Variants in DOCK8 observed in about 807,000 individuals in gnomAD.
The protein encoded by DOCK8 is dedicator of cytokinesis 8.
In DOCK8, 141 loss-of-function variants were observed where a neutral mutation model predicts 245.6. That is an observed-to-expected ratio of 0.57 (90% CI 0.50 to 0.66). DOCK8 has a LOEUF of 0.66. Ranked by LOEUF, DOCK8 falls within the 30% of genes least tolerant of loss-of-function variation. The probability of loss-of-function intolerance (pLI) is 0.00; values close to 1 mark genes in which losing one functional copy is unlikely to be tolerated. For missense variants in DOCK8, 2,965 were observed against 2,603.4 expected, an observed-to-expected ratio of 1.14 and a Z score of -3.02; for synonymous variants, 1,168 against 970.2, an observed-to-expected ratio of 1.20 and a Z score of -3.79.
At chr9:458,153 G>A (rs1404945316) in intron 46 of DOCK8, 1 of 152,208 alleles carries the variant, frequency 6.6e-6, no homozygotes, top group Non-Finnish European at 1.5e-5. Flanking sequence ...GTAGAGCTGT[G>A]TAGTGGCCTC....
chr9:341,890 G>C (rs1253301644), intron 14 of DOCK8, among the ~76,000 whole-genome samples: 1 of 152,146 alleles, frequency 6.6e-6, no homozygotes, highest in Non-Finnish European at 1.5e-5. Context: ...TCTCATGGGA[G>C]CATGAATCCT....
chr9:247,946 T>A (rs1223947318), intron 1 of DOCK8, among the ~76,000 whole-genome samples: 2 of 151,134 alleles, frequency 1.3e-5, no homozygotes, highest in East Asian at 3.9e-4. Flanking sequence ...CCAATGTATA[T>A]TGTATTAAAA....
chr9:230,022 T>G (rs1318487334), intron 1 of DOCK8, among the ~76,000 whole-genome samples: 1 of 151,658 alleles, frequency 6.6e-6, no homozygotes, highest in African/African-American at 2.4e-5. Context: ...TCATTTAGCA[T>G]TAGGTATATC....
At chr9:425,403 G>A (rs1325331104) in intron 33 of DOCK8, among the ~76,000 whole-genome samples, 1 of 151,978 alleles carries the variant, frequency 6.6e-6, no homozygotes, top group African/African-American at 2.4e-5. Flanking sequence ...GCGGTGGCGG[G>A]CGCCTGTAGT....
In DOCK8 at chr9:400,364, T is replaced by C. The variant is rs867826436; in HGVS notation, c.3234+1105T>C. 8.0e-3 allele frequency among the ~76,000 whole-genome samples: 193 copies of C among 23,990 alleles called. 2 individuals are homozygous for C. The highest frequency in any genetic ancestry group is 0.012 in the South Asian group (8 of 672). The allele number at this position is 23,990 out of a possible 152,430, so 15.7% of individuals were successfully genotyped here. A position where few individuals can be genotyped will look rare whatever the true frequency, so the allele number is the denominator to read the frequency against. On this transcript the variant is annotated intron_variant, in intron 26 of 47. Coordinates refer to ENST00000432829, the MANE Select transcript of DOCK8 (RefSeq NM_203447.4). ...TCCACCACCACCACCTCCTCCACCA[T>C]CACCACCTCCTTCACCATCACCATC...
chr9:408,384 C>T (rs945631295), intron 28 of DOCK8, among the ~76,000 whole-genome samples: 3 of 152,210 alleles, frequency 2.0e-5, no homozygotes, highest in Admixed American at 1.3e-4. Context: ...TCAATTCTGC[C>T]TCCTTCCAGA....
At chr9:355,177 ATTTCTG>A (rs1401666237) in intron 14 of DOCK8, among the ~76,000 whole-genome samples, 12 of 120,114 alleles carry the variant, frequency 1.0e-4, no homozygotes, top group South Asian at 2.6e-4. Flanking sequence ...AGACTGGTGT[ATTTCTG>A]TTTCTTTTCT....
chr9:374,453 G>GTT (rs762085208), intron 18 of DOCK8, among the ~76,000 whole-genome samples: 4,777 of 75,388 alleles, frequency 0.063, 496 homozygotes, highest in African/African-American at 0.089. Context: ...GTCCTTTTGT[G>GTT]TTTTTTTTTT....
intron 14 of DOCK8, 30 bp downstream of exon 14, chr9:340,351 G>T: frequency 6.2e-7 from 1 of 1,613,376 alleles, no homozygotes. Flanking sequence ...GCTGGGCGTG[G>T]TGGCTTACAC....
chr9:319,101 G>A (rs574003851), intron 7 of DOCK8, among the ~76,000 whole-genome samples: 109 of 152,194 alleles, frequency 7.2e-4, no homozygotes, highest in Non-Finnish European at 1.2e-3. Flanking sequence ...GTTTGAGGCC[G>A]GCCTGGGCAA....
At chr9:234,243 G>C (rs899862837) in intron 1 of DOCK8, among the ~76,000 whole-genome samples, 6 of 152,302 alleles carry the variant, frequency 3.9e-5, no homozygotes, top group African/African-American at 1.4e-4. Flanking sequence ...CTTCTGGCTT[G>C]TAGAGTTTCT....
intron 4 of DOCK8, among the ~76,000 whole-genome samples, chr9:290,348 C>T (rs1035652075): frequency 6.6e-6 from 1 of 151,806 alleles, no homozygotes; most frequent in South Asian, 2.1e-4. Flanking sequence ...TGAGATAATT[C>T]TTCTTCCAGT....
At position 375,346 on chromosome 9, in the gene DOCK8, C is replaced by T. The variant is rs147056824; in HGVS notation, c.2110-864C>T. On this transcript the variant is annotated intron_variant, in intron 18 of 47. Coordinates refer to ENST00000432829, the MANE Select transcript of DOCK8 (RefSeq NM_203447.4). ...GGCAAGAAACTGTCTGTAAGACCTA[C>T]GAAGGTAATGATATATAAACGTATA... Among the ~76,000 whole-genome samples the T allele has an allele frequency of 8.6e-5, 13 of 151,994 alleles. No homozygotes were observed. In the East Asian group the frequency reaches 1.7e-3, roughly 20 times the overall value.
chr9:271,463 A>T (rs905843897), intron 1 of DOCK8, among the ~76,000 whole-genome samples, 164 bp from the exon 2 acceptor site: 1 of 152,142 alleles, frequency 6.6e-6, no homozygotes, highest in African/African-American at 2.4e-5. Context: ...TCTGACAAAA[A>T]CTACGATGTC....
chr9:377,071 T>C lies in DOCK8; in HGVS notation c.2300T>C (p.Met767Thr). The change falls in exon 20 of 48, where the codon ATG (methionine) becomes ACG (threonine). Residue 767 changes from methionine to threonine, a missense_variant. Met to Thr is a moderately conservative substitution (Grantham distance 81, BLOSUM62 -1). Around this residue, in one of 3 missense-constraint regions of DOCK8, gnomAD observed 2,825 missense variants for 2,453.5 expected, o/e 1.15. Coordinates refer to ENST00000432829, the MANE Select transcript of DOCK8 (RefSeq NM_203447.4). ...GTGCTGGATCAGAAAATCAGCGAGA[T>C]GGCGCTGGAGCATGAGCTGAAGCTC... The part of the protein sequence containing the change: ...IRVLDQKISE[M>T]ALEHELKLSI... The C allele has an allele frequency of 5.0e-6, 8 of 1,613,444 alleles. No individual in the cohort carries two copies. The highest frequency in any genetic ancestry group is 1.1e-5 in the South Asian group (1 of 91,064).
chr9:226,908 A>T (rs530148070), intron 1 of DOCK8, among the ~76,000 whole-genome samples: 2 of 152,348 alleles, frequency 1.3e-5, no homozygotes, highest in Non-Finnish European at 2.9e-5. Context: ...TATGATTTTG[A>T]TAAGTTTTTA....
intron 14 of DOCK8, among the ~76,000 whole-genome samples, chr9:348,265 G>T (rs1465379036): frequency 6.6e-6 from 1 of 152,118 alleles, no homozygotes; most frequent in Admixed American, 6.5e-5. Context: ...CACCAATTTT[G>T]TCTCATATGT....
chr9:231,057 C>G (rs1467939803), intron 1 of DOCK8, among the ~76,000 whole-genome samples: 3 of 152,150 alleles, frequency 2.0e-5, no homozygotes, highest in Non-Finnish European at 4.4e-5. Flanking sequence ...AGTCTTTAAT[C>G]CATCTTGAAT....
rs974686040 is a variant in DOCK8 at position 368,110 on chromosome 9, G to C, written c.1772G>C (p.Gly591Ala). The change falls in exon 15 of 48, where the codon GGA becomes GCA. Residue 591 changes from glycine to alanine, a missense_variant. Transcript: ENST00000432829. The stretch of plus-strand genomic sequence containing the variant: ...ACAATAAAGATCCAGTTTATGTGTG[G>C]AGAAGATGCTAGCAATGCGATGCCG... ...NITIKIQFMC[G>A]EDASNAMPVI... 6.2e-7 allele frequency: 1 copy of C among 1,614,152 alleles called. No individual in the cohort carries two copies. The highest frequency in any genetic ancestry group is 8.5e-7 in the Non-Finnish European group (1 of 1,179,994).
Sources: allele counts gnomAD v4.1 joint callset (sites outside exome capture counted in the v4.1 genomes callset), GRCh38; gene constraint gnomAD v4.1.1; regional missense constraint gnomAD v4.1.1; transcripts MANE v1.5; gene names NCBI Gene and HGNC (gene_info 2026-07-23, HGNC 2026-07-21).